Variants in ECI1 observed in about 807,000 individuals in gnomAD.
ECI1 encodes enoyl-CoA delta isomerase 1, mitochondrial.
Under a neutral mutation model 34.2 loss-of-function variants are expected in ECI1, and 34 were observed. The ratio of observed to expected loss-of-function variants is 1.00; its 90% confidence interval spans 0.76 to 1.33. ECI1 has a LOEUF of 1.33. Among genes scored for constraint, ECI1 ranks in the 40% most tolerant of loss-of-function variants. ECI1 has a pLI of 0.00. For missense variants in ECI1, 456 were observed against 422.2 expected (o/e 1.08, Z -0.70); for synonymous variants, 211 against 193.0 (o/e 1.09, Z -0.77).
Position 2,244,546 on chromosome 16 carries a change from G to A in ECI1, c.301C>T (p.Pro101Ser). 1 of 1,585,528 alleles carries A rather than the reference G, an allele frequency of 6.3e-7. No individual in the cohort carries two copies. Among genetic ancestry groups the A allele is most frequent in the Non-Finnish European group, 8.6e-7 (1 of 1,166,462 alleles). The change falls in exon 4 of 7, where the codon CCG becomes TCG. Residue 101 changes from proline (P) to serine (S), a missense_variant. Physicochemically the swap from Pro to Ser is moderately conservative, Grantham distance 74. Transcript: ENST00000301729. The part of the protein sequence containing the change: ...FRGVILTSDR[P>S]GVFSAGLDLT... ...TCCAGGCCGGCCGAGAAGACACCCG[G>A]GCGGTCCTGCAGGGGGAGCCGGGGC...
chr16:2,239,886 T>TG lies in ECI1; in HGVS notation c.*92dup. ...ACGTAACATCAGCAAAATGAAACGC[T>TG]GGCAGTACTTTTAAGTTGAAAAATA... On this transcript the variant is annotated 3_prime_UTR_variant, in exon 7 of 7. Coordinates refer to ENST00000301729, the MANE Select transcript of ECI1 (RefSeq NM_001919.4). 1 of 1,352,362 alleles carries TG rather than the reference T, an allele frequency of 7.4e-7. No homozygotes were observed. Among genetic ancestry groups the TG allele is most frequent in the Non-Finnish European group, 1.1e-6 (1 of 943,906 alleles). The allele number at this position is 1,352,362 out of a possible 1,614,324, so 83.8% of individuals were successfully genotyped here.
intron 2 of ECI1, among the ~76,000 whole-genome samples, chr16:2,247,752 C>CT (rs1170808857): frequency 6.6e-6 from 1 of 152,132 alleles, no homozygotes; most frequent in Non-Finnish European, 1.5e-5. Flanking sequence ...ACTCTATCAC[C>CT]TAGGAGTGCA....
In ECI1 at chr16:2,250,144, A is replaced by G. The variant is rs980577212; in HGVS notation, c.166+1172T>C. On this transcript the variant is annotated intron_variant, in intron 2 of 6. Transcript: ENST00000301729. ...CATAGTGGTGGGTCCCTGTAATCCC[A>G]GCTATTTGGGAGGCTGAGGAGGGAG... Among the ~76,000 whole-genome samples the G allele has an allele frequency of 6.8e-4, 100 of 146,050 alleles. 1 individual carries two copies. Among genetic ancestry groups the G allele is most frequent in the African/African-American group, 2.3e-3 (95 of 40,636 alleles).
At position 2,251,383 on chromosome 16, in the gene ECI1, G is replaced by C; in HGVS notation, c.99C>G (p.Ala33=). The C allele has an allele frequency of 8.0e-7, 1 of 1,254,088 alleles. No individual in the cohort carries two copies. The highest frequency in any genetic ancestry group is 1.0e-6 in the Non-Finnish European group (1 of 1,002,220). 77.7% of individuals were successfully genotyped at this position (1,254,088 alleles called of 1,614,324 possible). A position where few individuals can be genotyped will look rare whatever the true frequency, so the allele number is the denominator to read the frequency against. The change falls in exon 2 of 7, where the codon GCC becomes GCG. Residue 33 remains alanine, a synonymous_variant. Transcript: ENST00000301729. ...GAALGRTERA[A]GGGDGARRFG... Reference sequence around the variant, plus strand: ...AGCGCCGCGCGCCGTCTCCGCCGCCGGCCGCCCGCTCCGTCCGCCCGAGGG... The same window carrying C: ...AGCGCCGCGCGCCGTCTCCGCCGCCCGCCGCCCGCTCCGTCCGCCCGAGGG...
chr16:2,243,576 G>C, intron 4 of ECI1, 137 bp from the exon 5 acceptor site: 1 of 1,059,712 alleles, frequency 9.4e-7, no homozygotes, highest in Non-Finnish European at 1.4e-6. Flanking sequence ...CAATGGTCTG[G>C]GCTGGGCTGG....
chr16:2,239,927 C>T lies in ECI1; in HGVS notation c.*52G>A. 6.3e-7 allele frequency: 1 copy of T among 1,592,612 alleles called. No homozygotes were observed. The highest frequency in any genetic ancestry group is 8.6e-7 in the Non-Finnish European group (1 of 1,161,292). On this transcript the variant is annotated 3_prime_UTR_variant, in exon 7 of 7. Transcript: ENST00000301729. Reference sequence around the variant, plus strand: ...TTGAAAAATACCTTGTTTAAGACCTCCCTGGGACCCACAGGGGCACGTGTG... The same window carrying T: ...TTGAAAAATACCTTGTTTAAGACCTTCCTGGGACCCACAGGGGCACGTGTG...
At chr16:2,242,826 A>C in intron 6 of ECI1, 1 of 599,726 alleles carries the variant, frequency 1.7e-6, no homozygotes, top group South Asian at 1.9e-5. Flanking sequence ...AGTCCTGCCC[A>C]CACTTTGATT....
intron 2 of ECI1, among the ~76,000 whole-genome samples, chr16:2,248,940 G>A (rs2093546509): frequency 6.6e-6 from 1 of 152,152 alleles, no homozygotes; most frequent in South Asian, 2.1e-4. Context: ...CCATATCACT[G>A]GGATACCGCC....
At chr16:2,245,802 C>T (rs1243481384) in intron 3 of ECI1, among the ~76,000 whole-genome samples, 3 of 152,144 alleles carry the variant, frequency 2.0e-5, no homozygotes, top group Non-Finnish European at 4.4e-5. Flanking sequence ...TGCTTGAGCC[C>T]AGGAGTTCAA....
Position 2,240,154 on chromosome 16 carries a change from A to G in ECI1, c.743-9T>C, listed in dbSNP as rs759569324. The G allele has an allele frequency of 6.2e-7, 1 of 1,613,046 alleles. No individual in the cohort carries two copies. The highest frequency in any genetic ancestry group is 8.5e-7 in the Non-Finnish European group (1 of 1,179,932). On this transcript the variant is annotated splice_polypyrimidine_tract_variant and intron_variant, in intron 6 of 6. Transcript: ENST00000301729. ...CAGCTGTCGAGCATGGTCTAAAGAG[A>G]ATGGGACGTGCCACTGAAATCCCAC...
intron 6 of ECI1, 23 bp downstream of exon 6, chr16:2,243,023 G>A (rs777567700): frequency 4.0e-5 from 63 of 1,588,830 alleles, no homozygotes; most frequent in South Asian, 2.6e-4. Flanking sequence ...ATCATCGGGC[G>A]CCCGCCATGC....
chr16:2,247,266 TTTTTC>T (rs1229282106), intron 2 of ECI1, among the ~76,000 whole-genome samples: 2 of 151,904 alleles, frequency 1.3e-5, no homozygotes, highest in Non-Finnish European at 2.9e-5. Context: ...CCGGATAATT[TTTTTC>T]TTTTAAGTAG....
intron 2 of ECI1, among the ~76,000 whole-genome samples, chr16:2,249,420 C>T (rs966797036): frequency 2.6e-5 from 4 of 151,934 alleles, no homozygotes; most frequent in African/African-American, 9.7e-5. Flanking sequence ...CTTACGGCCA[C>T]GGGGTTGTAC....
chr16:2,250,283 A>G (rs1041354544), intron 2 of ECI1, among the ~76,000 whole-genome samples: 1 of 148,114 alleles, frequency 6.8e-6, no homozygotes, highest in Admixed American at 6.7e-5. Context: ...AAAAAAAAAA[A>G]AAAGTCAGTT....
At chr16:2,244,385 C>T (rs753802399) in intron 4 of ECI1, 21 bp downstream of exon 4, 29 of 1,610,764 alleles carry the variant, frequency 1.8e-5, no homozygotes, top group Middle Eastern at 3.3e-4. Context: ...AGCGAGGCCA[C>T]CTGGGAGTGG....
intron 6 of ECI1, chr16:2,242,301 A>G (rs160553): frequency 0.11 from 16,641 of 152,412 alleles, 2,982 homozygotes; most frequent in African/African-American, 0.38. Flanking sequence ...CCCACTGTCC[A>G]TAAAGCTTTG....
intron 4 of ECI1, chr16:2,244,050 C>T (rs1002641190): frequency 5.6e-5 from 21 of 376,174 alleles, no homozygotes; most frequent in Middle Eastern, 8.6e-4. Context: ...GTGTTGTTCT[C>T]GGCTTCCCTG....
chr16:2,240,143 G>A lies in ECI1; in HGVS notation c.745C>T (p.His249Tyr). Residue 249 changes from histidine to tyrosine, a missense_variant and splice_region_variant, in exon 7 of 7, where the codon CAT becomes TAT. Physicochemically the swap from His to Tyr is moderately conservative, Grantham distance 83 (BLOSUM62 2). Coordinates refer to ENST00000301729, the MANE Select transcript of ECI1 (RefSeq NM_001919.4). Reference protein sequence around the residue: ...AIAQWMAIPDHARQLTKAMMR... With the variant: ...AIAQWMAIPDYARQLTKAMMR... ...ATGGCCTTGGTCAGCTGTCGAGCAT[G>A]GTCTAAAGAGAATGGGACGTGCCAC... The A allele has an allele frequency of 1.2e-6, 2 of 1,613,606 alleles. No individual in the cohort carries two copies. Among genetic ancestry groups the A allele is most frequent in the Non-Finnish European group, 1.7e-6 (2 of 1,180,010 alleles).
chr16:2,248,040 A>C (rs193286334), intron 2 of ECI1, among the ~76,000 whole-genome samples: 1 of 152,120 alleles, frequency 6.6e-6, no homozygotes, highest in East Asian at 1.9e-4. Flanking sequence ...ATAAATTAAC[A>C]ATTTTATTTA....
Sources: gnomAD v4.1 joint callset for allele counts (sites outside exome capture counted in the v4.1 genomes callset) on GRCh38, gnomAD v4.1.1 for gene constraint, MANE v1.5 for transcripts, NCBI Gene and HGNC (gene_info 2026-07-23, HGNC 2026-07-21) for gene names.